The following ZFHX3 variants were observed in gnomAD, a reference collection of about 807,000 sequenced individuals.
The protein encoded by ZFHX3 is zinc finger homeobox protein 3.
In ZFHX3, 42 loss-of-function variants were observed where a neutral mutation model predicts 279.1. The observed-to-expected ratio is 0.15, with a 90% CI of 0.12 to 0.19. The LOEUF (loss-of-function observed/expected upper bound fraction) is 0.19, where lower values mean the gene tolerates loss of function less well. Ranked by LOEUF, ZFHX3 falls within the 10% of genes least tolerant of loss-of-function variation. The pLI, the probability that ZFHX3 is intolerant of heterozygous loss-of-function variation, is 1.00. For missense variants in ZFHX3, 4,981 were observed against 4,754.0 expected (o/e 1.05, Z -1.40); for synonymous variants, 2,293 against 1,957.8 (o/e 1.17, Z -4.52).
chr16:73,254,788 T>G (rs759979489), intron 5 of ZFHX3, among the ~76,000 whole-genome samples: 36 of 152,168 alleles, frequency 2.4e-4, no homozygotes, highest in Non-Finnish European at 4.4e-4. Flanking sequence ...GTAAACTAGC[T>G]CTATAACTGC....
chr16:73,440,376 GA>G (rs1188084430), intron 3 of ZFHX3, among the ~76,000 whole-genome samples: 1 of 152,154 alleles, frequency 6.6e-6, no homozygotes, highest in African/African-American at 2.4e-5. Context: ...GGGATGAGGT[GA>G]TCAGACCACC....
chr16:73,243,288 C>G (rs2013180753), intron 5 of ZFHX3, among the ~76,000 whole-genome samples: 1 of 152,206 alleles, frequency 6.6e-6, no homozygotes, highest in Non-Finnish European at 1.5e-5. Context: ...CATGCTTCAG[C>G]AAAGAACAAT....
At chr16:72,966,112 G>C (rs911475587) in intron 1 of ZFHX3, among the ~76,000 whole-genome samples, 5 of 152,020 alleles carry the variant, frequency 3.3e-5, no homozygotes, top group Admixed American at 6.5e-5. Context: ...CGTGTGTCTC[G>C]GGACACGCCA....
At chr16:73,288,509 C>T (rs1214756271) in intron 4 of ZFHX3, among the ~76,000 whole-genome samples, 3 of 152,160 alleles carry the variant, frequency 2.0e-5, no homozygotes, top group Non-Finnish European at 4.4e-5. Context: ...TGAGAACCAG[C>T]TTGGAAAAAC....
intron 3 of ZFHX3, among the ~76,000 whole-genome samples, chr16:73,410,784 T>C (rs561285662): frequency 6.6e-6 from 1 of 152,298 alleles, no homozygotes; most frequent in South Asian, 2.1e-4. Context: ...ATCACAGCTT[T>C]TACTATCTAC....
chr16:73,017,594 C>T (rs866996352), intron 1 of ZFHX3, among the ~76,000 whole-genome samples: 9 of 152,160 alleles, frequency 5.9e-5, no homozygotes, highest in South Asian at 2.1e-4. Context: ...CTCCACCCAC[C>T]CCTCTCTGGT....
At chr16:72,934,696 C>T (rs967056745) in intron 3 of ZFHX3, among the ~76,000 whole-genome samples, 3 of 151,616 alleles carry the variant, frequency 2.0e-5, no homozygotes, top group South Asian at 2.1e-4. Flanking sequence ...CCGCATTTGA[C>T]GGCTCTTACT....
intron 2 of ZFHX3, among the ~76,000 whole-genome samples, chr16:73,647,312 T>G (rs550232148): frequency 3.3e-5 from 5 of 152,272 alleles, no homozygotes; most frequent in South Asian, 2.1e-4. Flanking sequence ...CTAAGTGATA[T>G]AGTTTGCATT....
chr16:73,027,201 C>T (rs112687676), intron 1 of ZFHX3, among the ~76,000 whole-genome samples: 26 of 152,346 alleles, frequency 1.7e-4, no homozygotes, highest in African/African-American at 5.3e-4. Context: ...GCCATGCCAA[C>T]ATGTGTTGGG....
chr16:73,606,157 G>A (rs1462883735), intron 2 of ZFHX3, among the ~76,000 whole-genome samples: 2 of 122,862 alleles, frequency 1.6e-5, no homozygotes, highest in Non-Finnish European at 3.2e-5. Flanking sequence ...ACTCCAGCCT[G>A]GGGGATTGAG....
chr16:73,596,272 C>G (rs111507990), intron 2 of ZFHX3, among the ~76,000 whole-genome samples: 3 of 152,110 alleles, frequency 2.0e-5, no homozygotes, highest in Non-Finnish European at 2.9e-5. Flanking sequence ...ATCCACCCAC[C>G]TCGGCCTCCC....
At chr16:73,080,536 T>G (rs984090639) in intron 8 of ZFHX3, among the ~76,000 whole-genome samples, 1 of 152,186 alleles carries the variant, frequency 6.6e-6, no homozygotes, top group Non-Finnish European at 1.5e-5. Context: ...GGGTAGCACC[T>G]GGGAATCCAC....
intron 4 of ZFHX3, among the ~76,000 whole-genome samples, chr16:73,310,307 G>T (rs2015295649): frequency 6.6e-6 from 1 of 152,162 alleles, no homozygotes; most frequent in Admixed American, 6.5e-5. Context: ...AGGAAAGCTA[G>T]TTTTATTATT....
intron 2 of ZFHX3, among the ~76,000 whole-genome samples, chr16:73,649,476 G>A (rs2035333): frequency 0.87 from 132,984 of 152,192 alleles, 59,943 homozygotes; most frequent in East Asian, 1. Flanking sequence ...GAGTTTGGAA[G>A]GATTTTCAAG....
At chr16:72,926,677 A>G (rs1281148492) in intron 3 of ZFHX3, among the ~76,000 whole-genome samples, 1 of 152,158 alleles carries the variant, frequency 6.6e-6, no homozygotes, top group African/African-American at 2.4e-5. Flanking sequence ...ATCCCATGAC[A>G]TTTCTGTAAA....
At chr16:72,789,265 T>G in intron 9 of ZFHX3, 1 of 161,624 alleles carries the variant, frequency 6.2e-6, no homozygotes, top group Non-Finnish European at 1.3e-5. Context: ...GCTCCCATAC[T>G]TCCCCTTCCA....
rs77645450 is a variant in ZFHX3, at chr16:73,638,000, A to G, written c.-1547+42180T>C. On this transcript the variant is annotated intron_variant, in intron 2 of 17. Coordinates refer to the ZFHX3 transcript ENST00000641206. ...ATTTTAATCTGTCAAATTGTTAAAT[A>G]TTTTTAAGAACTAAGAATACCCAGT... 1.6e-3 allele frequency among the ~76,000 whole-genome samples: 248 copies of G among 152,330 alleles called. 7 individuals are homozygous for G. The East Asian group carries it at 0.044, about 27-fold the overall frequency.
At chr16:73,267,055 T>C (rs1298493072) in intron 4 of ZFHX3, among the ~76,000 whole-genome samples, 3 of 152,166 alleles carry the variant, frequency 2.0e-5, no homozygotes, top group African/African-American at 4.8e-5. Flanking sequence ...TGCATGGTGA[T>C]AAAAAAGCAC....
chr16:73,176,049 C>G (rs1219957526), intron 5 of ZFHX3, among the ~76,000 whole-genome samples: 1 of 152,220 alleles, frequency 6.6e-6, no homozygotes, highest in South Asian at 2.1e-4. Context: ...CAATTCTCCT[C>G]TCCAAATCCT....
Sources: allele counts gnomAD v4.1 joint callset (sites outside exome capture counted in the v4.1 genomes callset), GRCh38; gene constraint gnomAD v4.1.1; transcripts MANE v1.5; gene names NCBI Gene and HGNC (gene_info 2026-07-23, HGNC 2026-07-21).